Variants in MBP observed in about 807,000 individuals in gnomAD.
MBP encodes myelin basic protein.
Under a neutral mutation model 35.8 loss-of-function variants are expected in MBP, and 16 were observed. The ratio of observed to expected loss-of-function variants is 0.45; its 90% confidence interval spans 0.30 to 0.68. The LOEUF (loss-of-function observed/expected upper bound fraction) is 0.68, where lower values mean the gene tolerates loss of function less well. MBP is among the 30% of genes least tolerant of loss of function. MBP has a pLI of 0.08. For missense variants in MBP, 380 were observed against 404.7 expected (o/e 0.94, Z 0.52); for synonymous variants, 143 against 159.6 (o/e 0.90, Z 0.78).
intron 3 of MBP, among the ~76,000 whole-genome samples, chr18:77,036,850 T>C (rs1382186207): frequency 7.2e-6 from 1 of 137,968 alleles, no homozygotes; most frequent in Non-Finnish European, 1.5e-5. Context: ...GGTCACATTT[T>C]GGAGGACTGA....
chr18:77,060,445 C>T (rs1316780276), intron 3 of MBP, among the ~76,000 whole-genome samples: 1 of 106,908 alleles, frequency 9.4e-6, no homozygotes, highest in Admixed American at 9.5e-5. Context: ...TTCTCTCTCT[C>T]TCCTTTTTTT....
chr18:77,059,802 G>A lies in MBP; in HGVS notation c.139+6496C>T, dbSNP rs1044002225. On this transcript the variant is annotated intron_variant, in intron 3 of 8. Transcript: ENST00000355994. ...CTTCAAGAGGCTTGCATTTGTGGAA[G>A]AAAAAACACACCAAGTATGCAAATG... is the stretch of plus-strand genomic sequence containing the variant. Among the ~76,000 whole-genome samples the A allele has an allele frequency of 2.6e-5, 4 of 152,250 alleles. 1 individual carries two copies. In the South Asian group the frequency reaches 8.3e-4, roughly 32 times the overall value.
chr18:76,998,906 C>T (rs959587381), intron 4 of MBP, among the ~76,000 whole-genome samples: 3 of 152,022 alleles, frequency 2.0e-5, no homozygotes, highest in African/African-American at 7.3e-5. Context: ...TACTCCACGG[C>T]TTCCAGTGGT....
At chr18:76,995,270 C>T (rs1239564330) in intron 4 of MBP, among the ~76,000 whole-genome samples, 1 of 152,152 alleles carries the variant, frequency 6.6e-6, no homozygotes, top group African/African-American at 2.4e-5. Flanking sequence ...TTCCCCAAAT[C>T]GATCTACAGG....
chr18:77,112,212 A>G (rs1976487299), intron 1 of MBP, among the ~76,000 whole-genome samples: 1 of 142,468 alleles, frequency 7.0e-6, no homozygotes, highest in South Asian at 2.3e-4. Flanking sequence ...GCAAAAAGAA[A>G]CAGCTCATTT....
intron 4 of MBP, among the ~76,000 whole-genome samples, chr18:76,997,579 T>G (rs950164459): frequency 3.9e-5 from 6 of 152,246 alleles, no homozygotes; most frequent in African/African-American, 1.4e-4. Context: ...AGAGCTTTTG[T>G]GCTGAGCACG....
At chr18:77,074,255 G>T (rs867777459) in intron 2 of MBP, among the ~76,000 whole-genome samples, 1 of 151,970 alleles carries the variant, frequency 6.6e-6, no homozygotes, top group South Asian at 2.1e-4. Context: ...GCTGATGGTG[G>T]GGTCAGAAGA....
At chr18:76,982,956 TTTCA>T (rs1474138827) in intron 8 of MBP, 9 of 152,244 alleles carry the variant, frequency 5.9e-5, no homozygotes. Context: ...ACTGAACTTA[TTTCA>T]GGAAACACAT....
At position 77,127,025 on chromosome 18, in the gene MBP, G is replaced by A. The variant is rs150958200; in HGVS notation, c.-26+5555C>T. On this transcript the variant is annotated intron_variant, in intron 1 of 8. Coordinates refer to ENST00000355994, the MANE Select transcript of MBP (RefSeq NM_001025101.2). ...CAGCAAGGTTTTTGCACCCATAAAC[G>A]CGCTATTCTAAAATTCATATGGAAA... 2.6e-5 allele frequency among the ~76,000 whole-genome samples: 4 copies of A among 152,086 alleles called. No homozygotes were observed. In the South Asian group the frequency reaches 6.2e-4, roughly 24 times the overall value.
chr18:77,026,360 G>A (rs1972223805), intron 3 of MBP, among the ~76,000 whole-genome samples: 2 of 152,202 alleles, frequency 1.3e-5, no homozygotes, highest in Non-Finnish European at 2.9e-5. Flanking sequence ...AATGCATTTA[G>A]TTAGTAATCC....
chr18:77,096,426 T>G (rs1975759486), intron 2 of MBP, among the ~76,000 whole-genome samples: 1 of 152,098 alleles, frequency 6.6e-6, no homozygotes, highest in African/African-American at 2.4e-5. Flanking sequence ...GTATGCCTCA[T>G]TCCTCCTGTC....
intron 3 of MBP, among the ~76,000 whole-genome samples, chr18:77,041,347 A>C (rs1176305784): frequency 6.6e-6 from 1 of 152,204 alleles, no homozygotes; most frequent in Non-Finnish European, 1.5e-5. Context: ...AAACTAGTTC[A>C]ACCATTGTGG....
intron 3 of MBP, chr18:77,017,544 T>C: frequency 3.1e-6 from 1 of 319,070 alleles, no homozygotes; most frequent in East Asian, 5.0e-5. Flanking sequence ...CATCTGAGCA[T>C]GCAGAGCAGC....
chr18:77,125,169 G>A (rs1380338797), intron 1 of MBP, among the ~76,000 whole-genome samples: 10 of 152,086 alleles, frequency 6.6e-5, no homozygotes, highest in Non-Finnish European at 4.4e-5. Context: ...TCATTGTCAT[G>A]CTCTTACCAA....
At chr18:77,042,317 G>A (rs895587529) in intron 3 of MBP, among the ~76,000 whole-genome samples, 2 of 151,296 alleles carry the variant, frequency 1.3e-5, no homozygotes, top group Non-Finnish European at 2.9e-5. Context: ...GTCTCCCCAG[G>A]GGATCTGACT....
chr18:77,032,049 C>T (rs1436673757), intron 3 of MBP, among the ~76,000 whole-genome samples: 14 of 152,190 alleles, frequency 9.2e-5, no homozygotes, highest in Admixed American at 6.5e-5. Context: ...GGTGCAGAAC[C>T]GAGCTTTAAG....
intron 4 of MBP, chr18:77,013,560 G>A (rs1308234328): frequency 3.0e-6 from 3 of 985,258 alleles, no homozygotes; most frequent in East Asian, 1.1e-4. Flanking sequence ...ATATCCCACG[G>A]CACTGAATGA....
chr18:77,127,057 G>T (rs74699567), intron 1 of MBP, among the ~76,000 whole-genome samples: 5,630 of 152,220 alleles, frequency 0.037, 347 homozygotes, highest in African/African-American at 0.13. Flanking sequence ...GAAAGGCCCA[G>T]AACCTACAAT....
At chr18:76,980,827 T>G (rs1347136661) in intron 8 of MBP, 2 of 229,668 alleles carry the variant, frequency 8.7e-6, no homozygotes, top group Non-Finnish European at 1.7e-5. Flanking sequence ...CAGCTAGAGG[T>G]GCCAGGGCAG....
Sources: allele counts gnomAD v4.1 joint callset (sites outside exome capture counted in the v4.1 genomes callset), GRCh38; gene constraint gnomAD v4.1.1; transcripts MANE v1.5; gene names NCBI Gene and HGNC (gene_info 2026-07-23, HGNC 2026-07-21).